PPP2R2D: variants seen among roughly 807,000 people sequenced by gnomAD.
PPP2R2D encodes serine/threonine-protein phosphatase 2A 55 kDa regulatory subunit B delta isoform.
A neutral mutation model predicts 31.1 loss-of-function variants in PPP2R2D; 9 were observed. The ratio of observed to expected loss-of-function variants is 0.29; its 90% CI spans 0.17 to 0.51. The LOEUF (loss-of-function observed/expected upper bound fraction) is 0.51, where lower values mean the gene tolerates loss of function less well. Ranked by LOEUF, PPP2R2D falls within the 20% of genes least tolerant of loss-of-function variation. The pLI, the probability that PPP2R2D is intolerant of heterozygous loss-of-function variation, is 0.98. For synonymous variants in PPP2R2D, 179 were observed against 172.6 expected (o/e 1.04, Z -0.29); for missense variants, 391 against 465.6 (o/e 0.84, Z 1.48).
intron 2 of PPP2R2D, among the ~76,000 whole-genome samples, chr10:131,932,376 T>C (rs2036251175): frequency 6.6e-6 from 1 of 151,992 alleles, no homozygotes; most frequent in African/African-American, 2.4e-5. Context: ...AAGTTTATGG[T>C]AGTTTAAAAT....
At chr10:131,926,764 C>T (rs1331172553) in intron 2 of PPP2R2D, among the ~76,000 whole-genome samples, 1 of 152,236 alleles carries the variant, frequency 6.6e-6, no homozygotes, top group Non-Finnish European at 1.5e-5. Flanking sequence ...GTTTGAGTCC[C>T]TGCAGTATGC....
At chr10:131,964,748 C>T (rs1156951871), downstream of PPP2R2D, among the ~76,000 whole-genome samples, 4 of 151,560 alleles carry the variant, frequency 2.6e-5, no homozygotes, top group Non-Finnish European at 4.4e-5. Flanking sequence ...CTCACCAGCC[C>T]ACCCCTTCAG....
downstream of PPP2R2D, among the ~76,000 whole-genome samples, chr10:131,960,636 C>T (rs1326882261): frequency 3.9e-5 from 6 of 152,210 alleles, no homozygotes; most frequent in African/African-American, 1.2e-4. Context: ...TGCTCCCGGC[C>T]GGAAGAAGCT....
intron 2 of PPP2R2D, among the ~76,000 whole-genome samples, chr10:131,906,168 A>G (rs1167434700): frequency 1.3e-5 from 2 of 152,120 alleles, no homozygotes; most frequent in African/African-American, 2.4e-5. Flanking sequence ...CAGGGAAGCT[A>G]TGGGTCTTGC....
intron 2 of PPP2R2D, among the ~76,000 whole-genome samples, chr10:131,902,471 G>A (rs1404530733): frequency 1.3e-5 from 2 of 151,984 alleles, no homozygotes; most frequent in African/African-American, 4.8e-5. Flanking sequence ...GCGCCCCCTG[G>A]GACAAACAGG....
chr10:131,941,222 T>A (rs1329346191), intron 5 of PPP2R2D, among the ~76,000 whole-genome samples: 1 of 152,250 alleles, frequency 6.6e-6, no homozygotes, highest in African/African-American at 2.4e-5. Context: ...AATTATTTGC[T>A]CCATTGTTGG....
intron 3 of PPP2R2D, among the ~76,000 whole-genome samples, chr10:131,936,908 G>C (rs1236880446): frequency 6.6e-6 from 1 of 152,218 alleles, no homozygotes; most frequent in Non-Finnish European, 1.5e-5. Context: ...TGCCCCATGT[G>C]CCCTTCCCTG....
At chr10:131,955,582 G>A in intron 8 of PPP2R2D, 102 bp from the exon 9 acceptor site, 1 of 1,029,662 alleles carries the variant, frequency 9.7e-7, no homozygotes, top group South Asian at 4.3e-5. Flanking sequence ...ACTGGGTTGT[G>A]GGGGAGGGTG....
At chr10:131,950,432 C>G (rs1285863861) in intron 8 of PPP2R2D, among the ~76,000 whole-genome samples, 1 of 152,100 alleles carries the variant, frequency 6.6e-6, no homozygotes, top group Non-Finnish European at 1.5e-5. Context: ...CCTCTGAGAG[C>G]GGACACCGAG....
intron 2 of PPP2R2D, among the ~76,000 whole-genome samples, chr10:131,913,367 C>T (rs1352984282): frequency 2.0e-5 from 3 of 152,132 alleles, no homozygotes; most frequent in African/African-American, 7.2e-5. Context: ...TATTAGTCTC[C>T]TGAGTTTTTA....
intron 2 of PPP2R2D, among the ~76,000 whole-genome samples, chr10:131,904,203 C>A (rs1351687418): frequency 2.0e-3 from 233 of 117,492 alleles, no homozygotes; most frequent in Middle Eastern, 0.011. Flanking sequence ...GACTCCGTCT[C>A]AAAAAAAAAA....
Position 131,901,074 on chromosome 10 carries a change from A to G in PPP2R2D, c.-75A>G. 5.9e-6 allele frequency: 1 copy of G among 170,842 alleles called. No homozygotes were observed. The highest frequency in any genetic ancestry group is 1.2e-5 in the Non-Finnish European group (1 of 84,094). 10.6% of individuals were successfully genotyped at this position (170,842 alleles called of 1,614,324 possible). On this transcript the variant is annotated 5_prime_UTR_variant, in exon 1 of 9. Coordinates refer to ENST00000455566, the MANE Select transcript of PPP2R2D (RefSeq NM_018461.5). The stretch of plus-strand genomic sequence containing the variant: ...GGCGGTGGTGGCGGCCCCGGGGCTG[A>G]GCGCTCGGCTGCAGCGGCGCGGAGG...
intron 3 of PPP2R2D, among the ~76,000 whole-genome samples, chr10:131,938,430 A>G (rs1276395656): frequency 3.9e-5 from 6 of 152,226 alleles, no homozygotes; most frequent in African/African-American, 1.4e-4. Context: ...AGGTTAATAT[A>G]GATGTACCTG....
At chr10:131,955,351 GAACAT>G (rs1474873089) in intron 8 of PPP2R2D, among the ~76,000 whole-genome samples, 57 of 152,308 alleles carry the variant, frequency 3.7e-4, no homozygotes, top group African/African-American at 1.3e-3. Flanking sequence ...ACAAATTGCA[GAACAT>G]AAGGCTTAAA....
intron 2 of PPP2R2D, among the ~76,000 whole-genome samples, chr10:131,920,239 T>A (rs1340631144): frequency 6.8e-6 from 1 of 146,474 alleles, no homozygotes; most frequent in Non-Finnish European, 1.5e-5. Flanking sequence ...AATGACACAG[T>A]GTTTGTAGGG....
At chr10:131,943,251 C>A (rs1350088220) in intron 5 of PPP2R2D, among the ~76,000 whole-genome samples, 2 of 152,088 alleles carry the variant, frequency 1.3e-5, no homozygotes, top group Non-Finnish European at 1.5e-5. Context: ...GCGAATTGGG[C>A]TTCCCTAGGA....
chr10:131,971,141 G>T, the PPP2R2D span: 1 of 632,920 alleles, frequency 1.6e-6, no homozygotes, highest in Non-Finnish European at 2.7e-6. Context: ...GGCCTTCCCC[G>T]GGCCGCGCCG....
Position 131,945,624 on chromosome 10 carries a change from T to A in PPP2R2D, c.820+165T>A. ...ACAGGCAGGTGCCACCATGCCCAGCTAGTTTTTGTATTTTTAGTACAGACA... is the reference window on the plus strand; with the variant it reads ...ACAGGCAGGTGCCACCATGCCCAGCAAGTTTTTGTATTTTTAGTACAGACA... On this transcript the variant is annotated intron_variant, in intron 7 of 8. Transcript: ENST00000455566. The surrounding 1 kb of genome is among the most constrained non-coding windows in gnomAD (Gnocchi z 4.8). 1.3e-6 allele frequency: 1 copy of A among 748,812 alleles called. No individual in the cohort carries two copies. The allele number at this position is 748,812 out of a possible 1,614,324, so 46.4% of individuals were successfully genotyped here.
Position 131,956,126 on chromosome 10 carries a change from T to G in PPP2R2D, c.*163T>G, listed in dbSNP as rs1589966487. On this transcript the variant is annotated 3_prime_UTR_variant, in exon 9 of 9. Transcript: ENST00000455566. ...CGCCTCCGCTGGAGGCCCGGTGTGG[T>G]TCCGCCTCGGCGAGGCGCGAGACAG... is the stretch of plus-strand genomic sequence containing the variant. 8.0e-7 allele frequency: 1 copy of G among 1,254,632 alleles called. No individual in the cohort carries two copies. 77.7% of individuals were successfully genotyped at this position (1,254,632 alleles called of 1,614,324 possible). A position where few individuals can be genotyped will look rare whatever the true frequency, so the allele number is the denominator to read the frequency against.
Sources: allele counts gnomAD v4.1 joint callset (sites outside exome capture counted in the v4.1 genomes callset), GRCh38; gene constraint gnomAD v4.1.1; non-coding constraint Gnocchi (gnomAD v3.1); transcripts MANE v1.5; gene names NCBI Gene and HGNC (gene_info 2026-07-23, HGNC 2026-07-21).